The following NKAIN2 variants were observed in gnomAD, a reference collection of about 807,000 sequenced individuals.
The protein encoded by NKAIN2 is sodium/potassium-transporting ATPase subunit beta-1-interacting protein 2.
In NKAIN2, 14 loss-of-function variants were observed where a neutral mutation model predicts 32.6. That is an observed-to-expected ratio of 0.43 (90% confidence interval 0.28 to 0.67). NKAIN2 has a LOEUF of 0.67. Ranked by LOEUF, NKAIN2 falls within the 30% of genes least tolerant of loss-of-function variation. The probability of loss-of-function intolerance (pLI) is 0.17; values close to 1 mark genes in which losing one functional copy is unlikely to be tolerated. For synonymous variants in NKAIN2, 80 were observed against 87.2 expected, an observed-to-expected ratio of 0.92 and a Z score of 0.46; for missense variants, 198 against 258.3, an observed-to-expected ratio of 0.77 and a Z score of 1.60.
At chr6:124,509,638 A>C (rs1232278446) in intron 3 of NKAIN2, among the ~76,000 whole-genome samples, 2 of 152,234 alleles carry the variant, frequency 1.3e-5, no homozygotes, top group African/African-American at 4.8e-5. Context: ...ATACCCACCC[A>C]GTAATTTGTG....
intron 3 of NKAIN2, among the ~76,000 whole-genome samples, chr6:124,548,172 A>G (rs1780163704): frequency 6.6e-6 from 1 of 152,186 alleles, no homozygotes; most frequent in African/African-American, 2.4e-5. Context: ...AGTCTGTAGT[A>G]TATCTGTAAA....
chr6:124,523,152 A>AG (rs1779185311), intron 3 of NKAIN2, among the ~76,000 whole-genome samples: 1 of 27,744 alleles, frequency 3.6e-5, no homozygotes, highest in African/African-American at 4.2e-5. Context: ...CAAAAAAAAA[A>AG]AAAGAAAAAA....
chr6:124,364,250 A>AAAAAAAAGAG (rs3054409), intron 3 of NKAIN2, among the ~76,000 whole-genome samples: 9 of 139,750 alleles, frequency 6.4e-5, no homozygotes, highest in African/African-American at 2.4e-4. Flanking sequence ...AAAAAAAAAA[A>AAAAAAAAGAG]AGAGAGAAAA....
chr6:124,499,560 G>C (rs1778202103), intron 3 of NKAIN2, among the ~76,000 whole-genome samples: 1 of 152,154 alleles, frequency 6.6e-6, no homozygotes, highest in African/African-American at 2.4e-5. Context: ...AGAGCCAATA[G>C]TTGTATGGTA....
intron 1 of NKAIN2, among the ~76,000 whole-genome samples, chr6:124,216,494 C>A (rs1791485050): frequency 6.6e-6 from 1 of 152,184 alleles, no homozygotes; most frequent in Non-Finnish European, 1.5e-5. Context: ...TCAAGCCAAG[C>A]AACACTCTGC....
intron 4 of NKAIN2, among the ~76,000 whole-genome samples, chr6:124,740,720 A>G (rs895054585): frequency 1.9e-4 from 29 of 151,910 alleles, no homozygotes; most frequent in African/African-American, 6.8e-4. Flanking sequence ...AGAAACTATA[A>G]GACAGCTAGT....
chr6:123,826,483 C>T (rs967794707), intron 1 of NKAIN2, among the ~76,000 whole-genome samples: 31 of 152,214 alleles, frequency 2.0e-4, no homozygotes, highest in African/African-American at 4.3e-4. Context: ...TTTTCCCAAA[C>T]GGAAACCCTT....
chr6:124,345,620 G>A (rs1035116823), intron 2 of NKAIN2, among the ~76,000 whole-genome samples: 12 of 151,482 alleles, frequency 7.9e-5, no homozygotes, highest in South Asian at 4.2e-4. Flanking sequence ...GTTTATTTGC[G>A]TAGAGGTGTT....
chr6:124,297,460 G>C (rs1583009576), intron 2 of NKAIN2, among the ~76,000 whole-genome samples: 1 of 152,056 alleles, frequency 6.6e-6, no homozygotes, highest in African/African-American at 2.4e-5. Context: ...CTGAAGAAAA[G>C]AAGGGTTGGT....
At chr6:124,395,496 A>G (rs77288371) in intron 3 of NKAIN2, among the ~76,000 whole-genome samples, 1,793 of 152,266 alleles carry the variant, frequency 0.012, 30 homozygotes, top group African/African-American at 0.041. Context: ...ATAATGTTGC[A>G]TTCTAGTTTT....
chr6:124,317,763 A>G (rs1229996156), intron 2 of NKAIN2, among the ~76,000 whole-genome samples: 2 of 152,154 alleles, frequency 1.3e-5, no homozygotes, highest in Non-Finnish European at 2.9e-5. Flanking sequence ...TATTTTGATC[A>G]TCAGACTACT....
chr6:124,061,356 C>A (rs916289561), intron 1 of NKAIN2, among the ~76,000 whole-genome samples: 2 of 152,180 alleles, frequency 1.3e-5, no homozygotes, highest in East Asian at 3.9e-4. Context: ...ACCCTTACAG[C>A]TATTTTATGG....
chr6:124,773,681 C>A (rs567904839), intron 4 of NKAIN2, among the ~76,000 whole-genome samples: 13 of 152,182 alleles, frequency 8.5e-5, no homozygotes, highest in Non-Finnish European at 1.3e-4. Context: ...TAAAATAACC[C>A]AGGTTAACCA....
At chr6:124,641,256 A>T (rs1471957878) in intron 3 of NKAIN2, among the ~76,000 whole-genome samples, 3 of 152,178 alleles carry the variant, frequency 2.0e-5, no homozygotes, top group South Asian at 4.1e-4. Context: ...AGGCTTTCAT[A>T]AAAATGCAAT....
chr6:124,661,337 C>T (rs1389412906), intron 4 of NKAIN2, among the ~76,000 whole-genome samples: 1 of 152,180 alleles, frequency 6.6e-6, no homozygotes, highest in Admixed American at 6.5e-5. Context: ...CTTAGATCTG[C>T]TTTCATAAAC....
chr6:124,663,223 G>A (rs1269589755), intron 4 of NKAIN2, among the ~76,000 whole-genome samples: 1 of 151,876 alleles, frequency 6.6e-6, no homozygotes, highest in African/African-American at 2.4e-5. Flanking sequence ...TCAGGAGTTC[G>A]AGACCAGCCT....
At chr6:124,718,784 T>TAA (rs11410712) in intron 4 of NKAIN2, among the ~76,000 whole-genome samples, 1 of 151,850 alleles carries the variant, frequency 6.6e-6, no homozygotes, top group Admixed American at 6.6e-5. Context: ...TGCAGAATAC[T>TAA]AAAAAATCTT....
chr6:124,681,204 T>C (rs965411899), intron 4 of NKAIN2, among the ~76,000 whole-genome samples: 3 of 152,046 alleles, frequency 2.0e-5, no homozygotes, highest in African/African-American at 7.2e-5. Flanking sequence ...CATATTATTT[T>C]ATTAGCATCT....
chr6:124,334,803 GGTTT>G, intron 2 of NKAIN2, among the ~76,000 whole-genome samples: 1 of 152,240 alleles, frequency 6.6e-6, no homozygotes, highest in East Asian at 1.9e-4. Context: ...GCAAGAAGGG[GGTTT>G]GTTTTGGAAA....
Sources: allele counts gnomAD v4.1 joint callset (sites outside exome capture counted in the v4.1 genomes callset), GRCh38; gene constraint gnomAD v4.1.1; transcripts MANE v1.5; gene names NCBI Gene and HGNC (gene_info 2026-07-23, HGNC 2026-07-21).